The following MAP7 variants were observed in gnomAD, a reference collection of about 807,000 sequenced individuals.
The protein encoded by MAP7 is microtubule associated protein 7, also known as ensconsin.
MAP7 carries 52 observed loss-of-function variants against 94.8 expected under a neutral mutation model. The observed-to-expected ratio is 0.55, with a 90% CI of 0.44 to 0.69. The LOEUF (loss-of-function observed/expected upper bound fraction) is 0.69. MAP7 is among the 30% of genes least tolerant of loss of function. MAP7 has a pLI of 0.00. For missense variants in MAP7, 940 were observed against 964.6 expected, an observed-to-expected ratio of 0.97 and a Z score of 0.34; for synonymous variants, 350 against 357.0, an observed-to-expected ratio of 0.98 and a Z score of 0.22.
chr6:136,496,953 C>CAA (rs571329419), intron 1 of MAP7, among the ~76,000 whole-genome samples: 2 of 143,750 alleles, frequency 1.4e-5, no homozygotes, highest in African/African-American at 5.1e-5. Flanking sequence ...GACTCCATCT[C>CAA]AAAAAAAAAA....
chr6:136,439,382 G>C (rs571341440), intron 1 of MAP7, among the ~76,000 whole-genome samples: 1 of 152,256 alleles, frequency 6.6e-6, no homozygotes, highest in South Asian at 2.1e-4. Context: ...ACCAGACGCT[G>C]AAGGCTAGCA....
chr6:136,365,350 C>G (rs1253976511), intron 10 of MAP7, among the ~76,000 whole-genome samples: 1 of 152,134 alleles, frequency 6.6e-6, no homozygotes, highest in African/African-American at 2.4e-5. Flanking sequence ...CAGTTTTCAA[C>G]TAGAGATATT....
intron 1 of MAP7, among the ~76,000 whole-genome samples, chr6:136,427,121 C>G (rs189187536): frequency 6.6e-6 from 1 of 152,192 alleles, no homozygotes; most frequent in Admixed American, 6.5e-5. Flanking sequence ...TTATGTCTGT[C>G]CCTGAAGAAA....
At chr6:136,495,453 T>TACACACACACACAC (rs55923280) in intron 1 of MAP7, among the ~76,000 whole-genome samples, 3 of 142,932 alleles carry the variant, frequency 2.1e-5, no homozygotes, top group Non-Finnish European at 4.7e-5. Flanking sequence ...AGTGTGAGAA[T>TACACACACACACAC]ACACACACAC....
intron 1 of MAP7, among the ~76,000 whole-genome samples, chr6:136,481,070 TATC>T (rs1187119166): frequency 6.6e-6 from 1 of 152,130 alleles, no homozygotes; most frequent in Non-Finnish European, 1.5e-5. Flanking sequence ...TACAATGAGA[TATC>T]ATCTCACCCC....
chr6:136,515,662 A>C (rs1824589565), intron 1 of MAP7, among the ~76,000 whole-genome samples: 1 of 152,240 alleles, frequency 6.6e-6, no homozygotes, highest in African/African-American at 2.4e-5. Context: ...TTGGTGGAGT[A>C]GTCAGAACAC....
At chr6:136,470,968 C>G (rs1246529737) in intron 1 of MAP7, among the ~76,000 whole-genome samples, 2 of 152,054 alleles carry the variant, frequency 1.3e-5, no homozygotes, top group African/African-American at 4.8e-5. Flanking sequence ...TCATCATTAT[C>G]AAAATGGTAC....
intron 1 of MAP7, among the ~76,000 whole-genome samples, chr6:136,451,890 C>T (rs368653264): frequency 6.6e-6 from 1 of 152,132 alleles, no homozygotes; most frequent in Non-Finnish European, 1.5e-5. Context: ...TGAATTGCTG[C>T]AATCTCATGA....
At chr6:136,537,544 T>C (rs2129058500) in intron 1 of MAP7, among the ~76,000 whole-genome samples, 1 of 152,326 alleles carries the variant, frequency 6.6e-6, no homozygotes, top group East Asian at 1.9e-4. Flanking sequence ...CACCAGGATA[T>C]TGGGATGGGT....
chr6:136,460,941 C>T (rs1348514262), intron 1 of MAP7, among the ~76,000 whole-genome samples: 1 of 152,070 alleles, frequency 6.6e-6, no homozygotes, highest in Non-Finnish European at 1.5e-5. Context: ...CTCTTAGGTT[C>T]CAATAACAGG....
chr6:136,410,682 A>G (rs1485270352), intron 3 of MAP7, among the ~76,000 whole-genome samples: 1 of 152,248 alleles, frequency 6.6e-6, no homozygotes, highest in African/African-American at 2.4e-5. Flanking sequence ...GAATGTAAAC[A>G]ATAGCAAAAG....
intron 3 of MAP7, among the ~76,000 whole-genome samples, chr6:136,408,191 G>C (rs1245843179): frequency 1.3e-5 from 2 of 152,176 alleles, no homozygotes; most frequent in African/African-American, 4.8e-5. Flanking sequence ...GAATCAGATG[G>C]AATAGGGTGG....
rs748816543 is a variant in MAP7, at chr6:136,360,670, C to G, written c.1803+27G>C. 3.7e-6 allele frequency: 6 copies of G among 1,605,770 alleles called. No individual in the cohort carries two copies. In the African/African-American group the frequency reaches 8.0e-5, roughly 21 times the overall value. ...GTCTTAGAGGTGCAAGTTCGCGTCC[C>G]GGGCCTCTCTACTAAGACGCAGCTA... On this transcript the variant is annotated intron_variant, in intron 13 of 17. Coordinates refer to ENST00000354570, the MANE Select transcript of MAP7 (RefSeq NM_003980.6).
chr6:136,441,956 T>C (rs933069078), intron 1 of MAP7, among the ~76,000 whole-genome samples: 2 of 151,772 alleles, frequency 1.3e-5, no homozygotes, highest in Non-Finnish European at 2.9e-5. Context: ...AGGCTGCAAG[T>C]GAGCTGTGAT....
chr6:136,444,765 A>G (rs1030797127), intron 1 of MAP7, among the ~76,000 whole-genome samples: 5 of 152,234 alleles, frequency 3.3e-5, no homozygotes, highest in African/African-American at 1.2e-4. Flanking sequence ...ATTGTCAGAA[A>G]CAAGTGTTAA....
chr6:136,548,886 G>C (rs1464959232), intron 1 of MAP7, among the ~76,000 whole-genome samples: 3 of 152,182 alleles, frequency 2.0e-5, no homozygotes, highest in Non-Finnish European at 4.4e-5. Context: ...GCCCTCACTT[G>C]GGGGAGCCCC....
rs1023418889 is a variant in MAP7, at chr6:136,361,148, C to T, written c.1558G>A (p.Ala520Thr). 6.2e-7 allele frequency: 1 copy of T among 1,604,774 alleles called. No homozygotes were observed. The highest frequency in any genetic ancestry group is 2.2e-5 in the East Asian group (1 of 44,876). The change falls in exon 12 of 18, where the codon GCT becomes ACT. Residue 520 changes from alanine (A) to threonine (T), a missense_variant. By Grantham distance (58) the Ala-to-Thr change is moderately conservative (BLOSUM62 0). Coordinates refer to ENST00000354570, the MANE Select transcript of MAP7 (RefSeq NM_003980.6). ...QKREELAQRV[A>T]EERTTRREEE... Reference sequence around the variant, plus strand: ...TCACGGCGAGTCGTCCTCTCTTCAGCCACACGTTGAGCCAATTCCTCTCTC... The same window carrying T: ...TCACGGCGAGTCGTCCTCTCTTCAGTCACACGTTGAGCCAATTCCTCTCTC...
intron 8 of MAP7, 86 bp from the exon 9 acceptor site, chr6:136,366,525 TTGAA>T: frequency 1.1e-6 from 1 of 930,038 alleles, no homozygotes; most frequent in African/African-American, 1.6e-5. Flanking sequence ...CTAGAAACCA[TTGAA>T]TGACTTTTAA....
intron 3 of MAP7, among the ~76,000 whole-genome samples, chr6:136,404,374 G>A (rs1263150633): frequency 2.0e-5 from 3 of 150,330 alleles, no homozygotes; most frequent in African/African-American, 7.4e-5. Context: ...AGAAGGCAAA[G>A]GAAGCCCGAT....
Sources: gnomAD v4.1 joint callset for allele counts (sites outside exome capture counted in the v4.1 genomes callset) on GRCh38, gnomAD v4.1.1 for gene constraint, MANE v1.5 for transcripts, NCBI Gene and HGNC (gene_info 2026-07-23, HGNC 2026-07-21) for gene names.